The following CHST8 variants were observed in gnomAD, a reference collection of about 807,000 sequenced individuals.
CHST8 encodes the protein carbohydrate sulfotransferase 8.
A neutral mutation model predicts 15.0 loss-of-function variants in CHST8; 10 were observed. The observed-to-expected ratio is 0.67, with a 90% CI of 0.41 to 1.13. CHST8 has a LOEUF of 1.13. CHST8 is among the 50% of genes most tolerant of loss of function. The pLI is 0.00. For synonymous variants in CHST8, 259 were observed against 256.6 expected (o/e 1.01, Z -0.09); for missense variants, 634 against 608.2 (o/e 1.04, Z -0.45).
intron 1 of CHST8, among the ~76,000 whole-genome samples, chr19:33,634,789 G>T (rs1192781550): frequency 1.3e-5 from 2 of 151,654 alleles, no homozygotes; most frequent in South Asian, 4.2e-4. Flanking sequence ...TGGGTTGAAG[G>T]GTTTCCCATT....
intron 3 of CHST8, among the ~76,000 whole-genome samples, chr19:33,716,733 C>A (rs1268138802): frequency 6.6e-6 from 1 of 152,148 alleles, no homozygotes. Flanking sequence ...GAGGAGTCAA[C>A]CCTCTTGGTT....
intron 3 of CHST8, among the ~76,000 whole-genome samples, chr19:33,749,734 C>A (rs1049274638): frequency 6.6e-6 from 1 of 152,150 alleles, no homozygotes; most frequent in Non-Finnish European, 1.5e-5. Flanking sequence ...AGTGGGTGCA[C>A]CTCCCTGAGG....
chr19:33,638,366 C>T (rs1972234224), intron 1 of CHST8, among the ~76,000 whole-genome samples: 1 of 152,166 alleles, frequency 6.6e-6, no homozygotes, highest in African/African-American at 2.4e-5. Context: ...AGACCGCTGT[C>T]AGCACAAAGC....
In CHST8 at chr19:33,740,584, T is replaced by A. The variant is rs147825879; in HGVS notation, c.131-30829T>A. On this transcript the variant is annotated intron_variant, in intron 3 of 4. Transcript: ENST00000650847. ...TAAGTCGGACTGTCATACCACTGTG[T>A]TGAAACTGCAGCACGAAGTTTCTCT... is the stretch of plus-strand genomic sequence containing the variant. Among the ~76,000 whole-genome samples, 7 of 152,348 alleles carry A rather than the reference T, an allele frequency of 4.6e-5. No homozygotes were observed. The East Asian group carries it at 1.3e-3, about 29-fold the overall frequency.
chr19:33,683,009 T>C (rs547577784), intron 2 of CHST8, among the ~76,000 whole-genome samples: 1 of 152,150 alleles, frequency 6.6e-6, no homozygotes, highest in Admixed American at 6.5e-5. Flanking sequence ...GCCGGTCACA[T>C]GGCAAGAGAA....
intron 3 of CHST8, among the ~76,000 whole-genome samples, chr19:33,764,654 G>T (rs554958952): frequency 3.8e-4 from 58 of 152,266 alleles, no homozygotes; most frequent in Admixed American, 7.8e-4. Context: ...GGTCTTTGCC[G>T]ATGTAATCAA....
chr19:33,762,071 A>G (rs1421346349), intron 3 of CHST8, among the ~76,000 whole-genome samples: 1 of 152,176 alleles, frequency 6.6e-6, no homozygotes, highest in East Asian at 1.9e-4. Flanking sequence ...GGTGTGACAG[A>G]CCATAGGACA....
chr19:33,736,912 G>C (rs1439406841), intron 3 of CHST8, among the ~76,000 whole-genome samples: 1 of 152,094 alleles, frequency 6.6e-6, no homozygotes, highest in African/African-American at 2.4e-5. Context: ...TAGAGAAGCT[G>C]GCCAAAACCC....
At chr19:33,764,608 C>T (rs754283029) in intron 3 of CHST8, among the ~76,000 whole-genome samples, 1 of 152,202 alleles carries the variant, frequency 6.6e-6, no homozygotes, top group African/African-American at 2.4e-5. Context: ...AATGCTCAAT[C>T]CCAGCTCCCT....
intron 3 of CHST8, among the ~76,000 whole-genome samples, chr19:33,755,088 C>G (rs1974520684): frequency 6.6e-6 from 1 of 152,202 alleles, no homozygotes; most frequent in South Asian, 2.1e-4. Flanking sequence ...TGCCCACCAC[C>G]CATGCACCCC....
At chr19:33,770,085 A>G (rs1974942841) in intron 3 of CHST8, among the ~76,000 whole-genome samples, 1 of 152,012 alleles carries the variant, frequency 6.6e-6, no homozygotes, top group South Asian at 2.1e-4. Flanking sequence ...TCAGCCTTAC[A>G]TTGTCTGGGG....
intron 3 of CHST8, among the ~76,000 whole-genome samples, chr19:33,718,849 C>A (rs74639050): frequency 0.025 from 3,849 of 152,294 alleles, 81 homozygotes; most frequent in Non-Finnish European, 0.041. Context: ...TCCCCTAGGG[C>A]TGAGGAGGGA....
At position 33,687,305 on chromosome 19, in the gene CHST8, T is replaced by A. The variant is rs142655269; in HGVS notation, c.-86-1871T>A. 5.2e-3 allele frequency among the ~76,000 whole-genome samples: 796 copies of A among 152,286 alleles called. 6 individuals are homozygous for A. Among genetic ancestry groups the A allele is most frequent in the African/African-American group, 0.017 (719 of 41,568 alleles). On this transcript the variant is annotated intron_variant, in intron 2 of 4. Coordinates refer to ENST00000650847, the MANE Select transcript of CHST8 (RefSeq NM_001127895.2). ...AGGATGGCCTCATCCAGGGCAGCCA[T>A]GGAGAGAGAGGCCCCAGCCCCGCAC...
In CHST8 at chr19:33,768,920, A is replaced by G. The variant is rs543816690; in HGVS notation, c.131-2493A>G. Among the ~76,000 whole-genome samples, 19 of 152,342 alleles carry G rather than the reference A, an allele frequency of 1.2e-4. 1 individual carries two copies. In the South Asian group the frequency reaches 3.9e-3, roughly 32 times the overall value. On this transcript the variant is annotated intron_variant, in intron 3 of 4. Coordinates refer to ENST00000650847, the MANE Select transcript of CHST8 (RefSeq NM_001127895.2). ...ACAAGGCAATTTTTCCTTTCAAAGG[A>G]GGAAGTTGCAGGCAGGTTGGCTTTA... is the stretch of plus-strand genomic sequence containing the variant.
At chr19:33,727,217 GA>G (rs1412377753) in intron 3 of CHST8, among the ~76,000 whole-genome samples, 1 of 152,024 alleles carries the variant, frequency 6.6e-6, no homozygotes, top group Non-Finnish European at 1.5e-5. Flanking sequence ...CCTGCCAGGG[GA>G]AAAACTTGGT....
chr19:33,658,503 T>A (rs547333240), intron 1 of CHST8, among the ~76,000 whole-genome samples: 1 of 152,368 alleles, frequency 6.6e-6, no homozygotes, highest in African/African-American at 2.4e-5. Context: ...TAGTTTTGGA[T>A]GTCTGAAAAT....
chr19:33,625,418 C>G (rs368699116), intron 1 of CHST8, among the ~76,000 whole-genome samples: 1 of 152,068 alleles, frequency 6.6e-6, no homozygotes, highest in African/African-American at 2.4e-5. Context: ...CAATTAGAGC[C>G]GATAAACACC....
Position 33,661,939 on chromosome 19 carries a change from G to A in CHST8, c.-163-5828G>A, listed in dbSNP as rs189194969. Among the ~76,000 whole-genome samples, 40 of 152,032 alleles carry A rather than the reference G, an allele frequency of 2.6e-4. 1 individual carries two copies. The East Asian group carries it at 6.5e-3, about 25-fold the overall frequency. On this transcript the variant is annotated intron_variant, in intron 1 of 4. Coordinates refer to ENST00000650847, the MANE Select transcript of CHST8 (RefSeq NM_001127895.2). ...TAGTCCTAGTTACTCAGGAGACTGA[G>A]GCAGGAGGATCACTTGAGCCCAGGA...
chr19:33,771,799 G>A (rs905141215), intron 4 of CHST8, among the ~76,000 whole-genome samples, 158 bp from the exon 5 acceptor site: 8 of 152,114 alleles, frequency 5.3e-5, no homozygotes, highest in African/African-American at 1.7e-4. Context: ...TGGGTGCCGG[G>A]CCAGGGCTCA....
Sources: gnomAD v4.1 joint callset for allele counts (sites outside exome capture counted in the v4.1 genomes callset) on GRCh38, gnomAD v4.1.1 for gene constraint, MANE v1.5 for transcripts, NCBI Gene and HGNC (gene_info 2026-07-23, HGNC 2026-07-21) for gene names.